Variants in INSYN2A observed in about 807,000 individuals in gnomAD.
INSYN2A encodes the protein family with sequence similarity 196 member A.
INSYN2A carries 17 observed loss-of-function variants against 39.4 expected under a neutral mutation model. The observed-to-expected ratio is 0.43, with a 90% CI of 0.30 to 0.65. The LOEUF (loss-of-function observed/expected upper bound fraction) is 0.65, where lower values mean the gene tolerates loss of function less well. Ranked by LOEUF, INSYN2A falls within the 30% of genes least tolerant of loss-of-function variation. INSYN2A has a pLI of 0.14. For missense variants in INSYN2A, 595 were observed against 631.2 expected, an observed-to-expected ratio of 0.94 and a Z score of 0.61; for synonymous variants, 255 against 265.7, an observed-to-expected ratio of 0.96 and a Z score of 0.39.
chr10:127,137,827 A>G lies in INSYN2A; in HGVS notation c.*10T>C. On this transcript the variant is annotated 3_prime_UTR_variant, in exon 6 of 6. Coordinates refer to ENST00000522781, the MANE Select transcript of INSYN2A (RefSeq NM_001039762.3). ...TAAAGACGGCCTCGAGACTCCAGAC[A>G]CCGTGAGTGTTAAAGGAACCAGAGT... The G allele has an allele frequency of 1.2e-6, 2 of 1,609,114 alleles. No homozygotes were observed.
chr10:127,149,079 A>C (rs1329884736), intron 5 of INSYN2A, among the ~76,000 whole-genome samples: 1 of 152,172 alleles, frequency 6.6e-6, no homozygotes, highest in Non-Finnish European at 1.5e-5. Flanking sequence ...GGTGTTTTTC[A>C]GCTGAGGAAT....
chr10:127,188,630 G>A (rs1426155764), intron 2 of INSYN2A, among the ~76,000 whole-genome samples: 1 of 152,138 alleles, frequency 6.6e-6, no homozygotes, highest in Non-Finnish European at 1.5e-5. Flanking sequence ...TAGTCCTTAC[G>A]AACTGGGGCT....
intron 4 of INSYN2A, among the ~76,000 whole-genome samples, chr10:127,158,818 C>T (rs1592285250): frequency 6.6e-6 from 1 of 152,188 alleles, no homozygotes. Context: ...TAAGTATTCT[C>T]TTAACAATGC....
At chr10:127,168,295 C>T (rs116141249) in intron 4 of INSYN2A, among the ~76,000 whole-genome samples, 95 of 152,324 alleles carry the variant, frequency 6.2e-4, no homozygotes, top group African/African-American at 2.2e-3. Flanking sequence ...TGGAGAGAGA[C>T]ATCGAAACTG....
At chr10:127,180,811 G>A (rs1012304759) in intron 2 of INSYN2A, among the ~76,000 whole-genome samples, 13 of 152,162 alleles carry the variant, frequency 8.5e-5, no homozygotes, top group African/African-American at 2.4e-4. Context: ...AGAAAAACAC[G>A]AAATAATGTT....
At chr10:127,177,406 T>C (rs918995933) in intron 2 of INSYN2A, among the ~76,000 whole-genome samples, 1 of 152,212 alleles carries the variant, frequency 6.6e-6, no homozygotes, top group Non-Finnish European at 1.5e-5. Flanking sequence ...TTCACAGCTG[T>C]TTATTGCACA....
intron 5 of INSYN2A, among the ~76,000 whole-genome samples, chr10:127,146,616 C>A (rs2051879341): frequency 6.6e-6 from 1 of 152,148 alleles, no homozygotes; most frequent in Non-Finnish European, 1.5e-5. Context: ...CATCTTCCTA[C>A]CCTGTCACTC....
chr10:127,174,392 A>G (rs895166411), intron 4 of INSYN2A, among the ~76,000 whole-genome samples: 1 of 152,216 alleles, frequency 6.6e-6, no homozygotes, highest in Admixed American at 6.5e-5. Context: ...AGCTGAGCAC[A>G]TGCCGGCCTG....
At chr10:127,194,953 A>G (rs544587434) in intron 1 of INSYN2A, among the ~76,000 whole-genome samples, 1 of 152,326 alleles carries the variant, frequency 6.6e-6, no homozygotes, top group East Asian at 1.9e-4. Flanking sequence ...GCAGCTCCCC[A>G]GCACAGACCA....
At position 127,176,253 on chromosome 10, in the gene INSYN2A, C is replaced by T. The variant is rs201704187; in HGVS notation, c.143G>A (p.Arg48Gln). The T allele has an allele frequency of 1.3e-4, 202 of 1,614,000 alleles. No homozygotes were observed. The highest frequency in any genetic ancestry group is 4.2e-5 in the Non-Finnish European group (49 of 1,180,042). Residue 48 changes from arginine to glutamine, a missense_variant, in exon 4 of 6, where the codon CGG becomes CAG. By Grantham distance (43) the Arg-to-Gln change is conservative. Coordinates refer to ENST00000522781, the MANE Select transcript of INSYN2A (RefSeq NM_001039762.3). The surrounding 1 kb of genome is among the most constrained non-coding windows in gnomAD (Gnocchi z 4.4). ...IKKRNKALQV[R>Q]FKDICEAQNE... is the part of the protein sequence containing the mutation. Reference sequence around the variant, plus strand: ...CTGTGCCTCGCAGATATCCTTAAACCGCACCTGCAGGGCTTTGTTCCGTTT... The same window carrying T: ...CTGTGCCTCGCAGATATCCTTAAACTGCACCTGCAGGGCTTTGTTCCGTTT...
In INSYN2A at chr10:127,175,486, C is replaced by T. The variant is rs1285196920; in HGVS notation, c.910G>A (p.Ala304Thr). Residue 304 changes from alanine (A) to threonine (T), a missense_variant, in exon 4 of 6, where the codon GCC becomes ACC. Around this residue, in one of 2 missense-constraint regions of INSYN2A, gnomAD observed 478 missense variants for 467.4 expected, o/e 1.02. Transcript: ENST00000522781. The surrounding 1 kb of genome is among the most constrained non-coding windows in gnomAD (Gnocchi z 6.3). ...TGCATCGGGGGTGAGCAGGCCAGGG[C>T]AGTTTCCGAGGGCGCCTGGAGCCCG... Reference protein sequence around the residue: ...LNGLQAPSETALACSPPMQCL... With the variant: ...LNGLQAPSETTLACSPPMQCL... 5 of 1,608,940 alleles carry T rather than the reference C, an allele frequency of 3.1e-6. No individual in the cohort carries two copies. The highest frequency in any genetic ancestry group is 3.4e-6 in the Non-Finnish European group (4 of 1,180,022).
chr10:127,175,778 T>C lies in INSYN2A; in HGVS notation c.618A>G (p.Glu206=), dbSNP rs1431137838. The change falls in exon 4 of 6, where the codon GAA becomes GAG. Residue 206 remains glutamate (E), a synonymous_variant. Coordinates refer to ENST00000522781, the MANE Select transcript of INSYN2A (RefSeq NM_001039762.3). This position sits in a 1 kb window ranked among gnomAD's most constrained non-coding sequence, Gnocchi z 6.3. Reference sequence around the variant, plus strand: ...GCCGAGTGGAGTTTTGGAGCGCAGCTTCTCCATAGCTGAGCGGCTCCGGGC... The same window carrying C: ...GCCGAGTGGAGTTTTGGAGCGCAGCCTCTCCATAGCTGAGCGGCTCCGGGC... ...CKSPEPLSYG[E]AALQNSTRPP... The C allele has an allele frequency of 1.9e-6, 3 of 1,614,114 alleles. No individual in the cohort carries two copies. In the South Asian group the frequency reaches 3.3e-5, roughly 18 times the overall value.
chr10:127,146,341 A>G (rs1427894905), intron 5 of INSYN2A, among the ~76,000 whole-genome samples: 1 of 152,230 alleles, frequency 6.6e-6, no homozygotes, highest in Non-Finnish European at 1.5e-5. Flanking sequence ...GTTTCCTAGC[A>G]TCTAAATAAG....
rs527964379 is a variant in INSYN2A at position 127,140,575 on chromosome 10, C to T, written c.1257-2555G>A. Among the ~76,000 whole-genome samples, 3 of 145,842 alleles carry T rather than the reference C, an allele frequency of 2.1e-5. No individual in the cohort carries two copies. In the East Asian group the frequency reaches 6.3e-4, roughly 31 times the overall value. ...ATAATGTGCATTGTTCTGGACACTG[C>T]TTCCTGCTCAAGGACTTTTCTTGGG... On this transcript the variant is annotated intron_variant, in intron 5 of 5. Coordinates refer to ENST00000522781, the MANE Select transcript of INSYN2A (RefSeq NM_001039762.3).
chr10:127,186,917 G>A (rs1267585170), intron 2 of INSYN2A, among the ~76,000 whole-genome samples: 3 of 152,162 alleles, frequency 2.0e-5, no homozygotes, highest in Non-Finnish European at 4.4e-5. Flanking sequence ...ATAAGTCCAG[G>A]TCAGCTGTGG....
intron 4 of INSYN2A, among the ~76,000 whole-genome samples, chr10:127,170,360 T>C (rs1412790234): frequency 6.6e-6 from 1 of 152,134 alleles, no homozygotes; most frequent in Non-Finnish European, 1.5e-5. Flanking sequence ...AGCCTGCAGG[T>C]AACACCCAGC....
rs563988187 is a variant in INSYN2A at position 127,172,344 on chromosome 10, C to G, written c.1184+2868G>C. The stretch of plus-strand genomic sequence containing the variant: ...TCAGCAGATGCTACTTCCCTTCCCT[C>G]CAGAGCCTGTTGTTCCAGATGTCCC... On this transcript the variant is annotated intron_variant, in intron 4 of 5. Transcript: ENST00000522781. Among the ~76,000 whole-genome samples the G allele has an allele frequency of 4.4e-4, 67 of 152,302 alleles. 2 individuals carry two copies. Among genetic ancestry groups the G allele is most frequent in the African/African-American group, 1.6e-3 (66 of 41,562 alleles).
intron 5 of INSYN2A, among the ~76,000 whole-genome samples, chr10:127,145,739 C>T (rs1057097907): frequency 8.5e-5 from 13 of 152,170 alleles, no homozygotes; most frequent in Non-Finnish European, 1.6e-4. Context: ...GCCACCAGCC[C>T]GGAACCCTGG....
At chr10:127,159,603 CAA>C (rs1181510076) in intron 4 of INSYN2A, among the ~76,000 whole-genome samples, 2 of 152,030 alleles carry the variant, frequency 1.3e-5, no homozygotes, top group Non-Finnish European at 2.9e-5. Context: ...GGACCAATAG[CAA>C]AAGAGGGAAT....
Sources: allele counts gnomAD v4.1 joint callset (sites outside exome capture counted in the v4.1 genomes callset), GRCh38; gene constraint gnomAD v4.1.1; regional missense constraint gnomAD v4.1.1; non-coding constraint Gnocchi (gnomAD v3.1); transcripts MANE v1.5; gene names NCBI Gene and HGNC (gene_info 2026-07-23, HGNC 2026-07-21).